CA10: variants seen among roughly 807,000 people sequenced by gnomAD.
CA10 encodes carbonic anhydrase 10 (inactive).
A neutral mutation model predicts 44.2 loss-of-function variants in CA10; 14 were observed. The ratio of observed to expected loss-of-function variants is 0.32; its 90% CI spans 0.21 to 0.50. CA10 has a LOEUF of 0.50. Ranked by LOEUF, CA10 falls within the 20% of genes least tolerant of loss-of-function variation. The pLI, the probability that CA10 is intolerant of heterozygous loss-of-function variation, is 0.99. For synonymous variants in CA10, 159 were observed against 141.6 expected (o/e 1.12, Z -0.87); for missense variants, 350 against 409.7 (o/e 0.85, Z 1.26).
chr17:51,934,916 T>C (rs1982804641), intron 2 of CA10, among the ~76,000 whole-genome samples: 1 of 152,008 alleles, frequency 6.6e-6, no homozygotes, highest in Non-Finnish European at 1.5e-5. Context: ...TCTAGGGAAA[T>C]GGTTTAGGAC....
chr17:51,991,375 T>G (rs978381898), intron 2 of CA10, among the ~76,000 whole-genome samples: 1 of 152,190 alleles, frequency 6.6e-6, no homozygotes, highest in South Asian at 2.1e-4. Context: ...ATGTATTTCT[T>G]GCTGAATAAT....
At chr17:51,831,731 A>AGCGGCAGCGGCAGCGGCAGC (rs1567854678) in intron 3 of CA10, among the ~76,000 whole-genome samples, 1 of 138,918 alleles carries the variant, frequency 7.2e-6, no homozygotes, top group Non-Finnish European at 1.6e-5. Context: ...CAGCAGCAGC[A>AGCGGCAGCGGCAGCGGCAGC]GAAAAAGACC....
At chr17:51,684,421 G>A (rs1414159530) in intron 4 of CA10, among the ~76,000 whole-genome samples, 1 of 152,210 alleles carries the variant, frequency 6.6e-6, no homozygotes, top group Non-Finnish European at 1.5e-5. Context: ...CGTTCCCAGT[G>A]TTTATCAGTG....
chr17:51,715,847 G>A (rs1030931434), intron 4 of CA10, among the ~76,000 whole-genome samples: 20 of 152,100 alleles, frequency 1.3e-4, no homozygotes, highest in African/African-American at 4.6e-4. Context: ...GTGCCACCAC[G>A]CCTGGCTAAC....
At chr17:52,124,702 C>T (rs1227915136) in intron 1 of CA10, among the ~76,000 whole-genome samples, 1 of 152,212 alleles carries the variant, frequency 6.6e-6, no homozygotes, top group Non-Finnish European at 1.5e-5. Flanking sequence ...CTTCATGCCT[C>T]TAAGCCTTTG....
intron 2 of CA10, among the ~76,000 whole-genome samples, chr17:52,070,276 T>G (rs574850520): frequency 3.3e-5 from 5 of 152,298 alleles, no homozygotes; most frequent in Admixed American, 6.5e-5. Context: ...TCCCCCATGT[T>G]TCAGGCATCT....
intron 2 of CA10, among the ~76,000 whole-genome samples, chr17:52,061,193 T>G (rs1275167600): frequency 1.3e-5 from 2 of 152,168 alleles, no homozygotes; most frequent in Non-Finnish European, 2.9e-5. Context: ...CATCCTAGAT[T>G]ATCCAGATGG....
At chr17:52,048,727 C>T (rs1986981906) in intron 2 of CA10, among the ~76,000 whole-genome samples, 2 of 151,800 alleles carry the variant, frequency 1.3e-5, no homozygotes, top group African/African-American at 2.4e-5. Flanking sequence ...GAGGACATAC[C>T]CAGGGAAGAG....
At chr17:51,863,214 T>C (rs1979392021) in intron 3 of CA10, among the ~76,000 whole-genome samples, 2 of 152,234 alleles carry the variant, frequency 1.3e-5, no homozygotes. Context: ...ACTACTGTTG[T>C]TGTTATCATC....
chr17:51,648,645 C>A (rs1215658636), intron 6 of CA10, among the ~76,000 whole-genome samples: 1 of 152,130 alleles, frequency 6.6e-6, no homozygotes, highest in Non-Finnish European at 1.5e-5. Context: ...CATAATGAGT[C>A]TGGGGATAAA....
chr17:51,637,780 T>G (rs1597954077), intron 6 of CA10, among the ~76,000 whole-genome samples: 1 of 152,148 alleles, frequency 6.6e-6, no homozygotes, highest in East Asian at 1.9e-4. Flanking sequence ...GACTGCAAAG[T>G]GGAAATTAGA....
At chr17:51,952,265 C>T (rs981848744) in intron 2 of CA10, among the ~76,000 whole-genome samples, 4 of 152,160 alleles carry the variant, frequency 2.6e-5, no homozygotes, top group African/African-American at 9.7e-5. Flanking sequence ...GGTGAAACAA[C>T]AGAACTTTAC....
At chr17:52,013,594 T>G (rs1035127858) in intron 2 of CA10, among the ~76,000 whole-genome samples, 1 of 151,868 alleles carries the variant, frequency 6.6e-6, no homozygotes, top group African/African-American at 2.4e-5. Context: ...ATATGGAACA[T>G]AGAAAGAAAT....
At chr17:51,750,841 T>C (rs893109985) in intron 3 of CA10, among the ~76,000 whole-genome samples, 1 of 152,264 alleles carries the variant, frequency 6.6e-6, no homozygotes, top group African/African-American at 2.4e-5. Flanking sequence ...CTAACACTTC[T>C]AGAAATCCTT....
At chr17:52,033,369 G>A (rs759647135) in intron 2 of CA10, among the ~76,000 whole-genome samples, 9 of 152,126 alleles carry the variant, frequency 5.9e-5, no homozygotes, top group East Asian at 1.9e-4. Context: ...GAATATCACC[G>A]AAGTGTCTAA....
chr17:52,059,445 T>C (rs1987318918), intron 2 of CA10, among the ~76,000 whole-genome samples: 1 of 152,060 alleles, frequency 6.6e-6, no homozygotes, highest in South Asian at 2.1e-4. Flanking sequence ...GCTGCATCTA[T>C]TATCCAAAGG....
intron 3 of CA10, among the ~76,000 whole-genome samples, chr17:51,837,358 G>T (rs1035156598): frequency 6.6e-6 from 1 of 152,172 alleles, no homozygotes; most frequent in Non-Finnish European, 1.5e-5. Context: ...TGGGGATGAC[G>T]TGAGGGCTGA....
At chr17:51,715,528 G>C (rs1218036881) in intron 4 of CA10, among the ~76,000 whole-genome samples, 1 of 152,062 alleles carries the variant, frequency 6.6e-6, no homozygotes, top group Non-Finnish European at 1.5e-5. Flanking sequence ...TCACAAAACA[G>C]GGAATGAGGT....
intron 2 of CA10, among the ~76,000 whole-genome samples, chr17:51,940,679 CAA>C (rs11350422): frequency 3.9e-4 from 54 of 136,990 alleles, no homozygotes; most frequent in Admixed American, 1.1e-3. Flanking sequence ...TCAAGATAAA[CAA>C]AAAAAAAAAA....
Sources: allele counts gnomAD v4.1 joint callset (sites outside exome capture counted in the v4.1 genomes callset), GRCh38; gene constraint gnomAD v4.1.1; transcripts MANE v1.5; gene names NCBI Gene and HGNC (gene_info 2026-07-23, HGNC 2026-07-21).